The following LMO7 variants were observed in gnomAD, a reference collection of about 807,000 sequenced individuals.
The protein encoded by LMO7 is LIM domain only protein 7.
Under a neutral mutation model 206.5 loss-of-function variants are expected in LMO7, and 120 were observed. The observed-to-expected ratio is 0.58, with a 90% CI of 0.50 to 0.68. LMO7 has a LOEUF of 0.68. Among genes scored for constraint, LMO7 ranks in the 30% least tolerant of loss-of-function variants. LMO7 has a pLI of 0.00. For synonymous variants in LMO7, 706 were observed against 681.5 expected, an observed-to-expected ratio of 1.04 and a Z score of -0.56; for missense variants, 1,959 against 1,957.9, an observed-to-expected ratio of 1.00 and a Z score of -0.01.
At chr13:75,676,263 C>T (rs1195550594) in intron 1 of LMO7, among the ~76,000 whole-genome samples, 1 of 152,140 alleles carries the variant, frequency 6.6e-6, no homozygotes, top group African/African-American at 2.4e-5. Context: ...GTATGTGCCT[C>T]TCTCCGGATT....
At chr13:75,658,372 A>G (rs1243944234) in intron 1 of LMO7, among the ~76,000 whole-genome samples, 2 of 152,088 alleles carry the variant, frequency 1.3e-5, no homozygotes, top group Non-Finnish European at 2.9e-5. Flanking sequence ...AAATTTGTTG[A>G]AATTTTAGAT....
chr13:75,653,299 G>A (rs1438419199), intron 1 of LMO7, among the ~76,000 whole-genome samples: 1 of 152,236 alleles, frequency 6.6e-6, no homozygotes, highest in Non-Finnish European at 1.5e-5. Context: ...GCTCAAGGCA[G>A]AGGAAGCCTG....
chr13:75,805,554 T>C lies in LMO7; in HGVS notation c.990T>C (p.Tyr330=), dbSNP rs2055335946. Residue 330 remains tyrosine, a synonymous_variant, in exon 9 of 31, where the codon TAT becomes TAC. Transcript: ENST00000377534. ...AAGGAACTTCAAAGTCCTCTTGTTA[T>C]TTGGAAGAGGAAAAAGCAAAGACAA... ...TVQGTSKSSC[Y]LEEEKAKTRS... 3 of 1,613,860 alleles carry C rather than the reference T, an allele frequency of 1.9e-6. No individual in the cohort carries two copies. Among genetic ancestry groups the C allele is most frequent in the Non-Finnish European group, 2.5e-6 (3 of 1,179,838 alleles).
intron 1 of LMO7, among the ~76,000 whole-genome samples, chr13:75,684,547 CTTT>C (rs374482530): frequency 1.6e-5 from 2 of 128,950 alleles, no homozygotes; most frequent in Admixed American, 7.9e-5. Context: ...GCCCGGCCGG[CTTT>C]TTTTTTTTTT....
chr13:75,728,025 T>C (rs2044663423), intron 3 of LMO7, among the ~76,000 whole-genome samples: 1 of 152,064 alleles, frequency 6.6e-6, no homozygotes, highest in South Asian at 2.1e-4. Flanking sequence ...CAGTCTATCA[T>C]TGTTGGACAT....
chr13:75,846,758 G>T (rs998762007), intron 26 of LMO7, among the ~76,000 whole-genome samples: 1 of 152,060 alleles, frequency 6.6e-6, no homozygotes, highest in African/African-American at 2.4e-5. Flanking sequence ...TTAAATATTT[G>T]ATTTAAAAAC....
At chr13:75,808,528 T>C (rs2055860829) in intron 10 of LMO7, among the ~76,000 whole-genome samples, 1 of 152,220 alleles carries the variant, frequency 6.6e-6, no homozygotes, top group Non-Finnish European at 1.5e-5. Context: ...TGTAACAGTC[T>C]GGTTATAGTT....
Position 75,647,953 on chromosome 13 carries a change from T to TTCTTTC in LMO7, c.69+11228_69+11229insCTTTCT, listed in dbSNP as rs1357940991. ...TTTTCTCTTGTTTTCTTTTCTTTCT[T>TTCTTTC]TTTTTTTTTTTTTTTTGAGACAGGG... On this transcript the variant is annotated intron_variant, in intron 1 of 30. Transcript: ENST00000377534. Among the ~76,000 whole-genome samples, 296 of 134,224 alleles carry TTCTTTC rather than the reference T, an allele frequency of 2.2e-3. 3 individuals are homozygous for TTCTTTC. The highest frequency in any genetic ancestry group is 7.5e-3 in the African/African-American group (276 of 36,892). 88.1% of individuals were successfully genotyped at this position (134,224 alleles called of 152,430 possible). A position where few individuals can be genotyped will look rare whatever the true frequency, so the allele number is the denominator to read the frequency against.
chr13:75,849,509 T>G (rs531286303), intron 27 of LMO7, among the ~76,000 whole-genome samples: 1 of 151,822 alleles, frequency 6.6e-6, no homozygotes, highest in South Asian at 2.1e-4. Context: ...TCTTTTTTTT[T>G]TACTATGAGG....
intron 6 of LMO7, 85 bp downstream of exon 6, chr13:75,796,834 T>TCTC: frequency 1.2e-6 from 1 of 850,126 alleles, no homozygotes; most frequent in Non-Finnish European, 2.0e-6. Context: ...TTCTTCTCCT[T>TCTC]CTCCTCTATA....
At chr13:75,715,605 C>T (rs1318077627) in intron 2 of LMO7, among the ~76,000 whole-genome samples, 1 of 152,166 alleles carries the variant, frequency 6.6e-6, no homozygotes, top group African/African-American at 2.4e-5. Context: ...ACACCAAAGT[C>T]CTGCATAATA....
At chr13:75,733,359 G>A (rs1356073922) in intron 3 of LMO7, among the ~76,000 whole-genome samples, 2 of 152,220 alleles carry the variant, frequency 1.3e-5, no homozygotes, top group African/African-American at 4.8e-5. Context: ...CCTCACTGCT[G>A]CCTTGCAGTT....
At chr13:75,686,632 G>A (rs1036779240) in intron 1 of LMO7, among the ~76,000 whole-genome samples, 1 of 151,756 alleles carries the variant, frequency 6.6e-6, no homozygotes, top group African/African-American at 2.4e-5. Context: ...GTGTACAGAA[G>A]GGTCTAGGGA....
At chr13:75,810,914 T>G (rs1194401401) in intron 11 of LMO7, among the ~76,000 whole-genome samples, 1 of 152,218 alleles carries the variant, frequency 6.6e-6, no homozygotes, top group Non-Finnish European at 1.5e-5. Context: ...GCAGCAAATG[T>G]TTTCTATCCC....
At chr13:75,742,263 T>G (rs2046476773) in intron 3 of LMO7, among the ~76,000 whole-genome samples, 1 of 152,212 alleles carries the variant, frequency 6.6e-6, no homozygotes, top group Non-Finnish European at 1.5e-5. Context: ...AAACATTTCA[T>G]GTTCATGAAT....
At chr13:75,668,643 C>T (rs1293684542) in intron 1 of LMO7, among the ~76,000 whole-genome samples, 1 of 152,182 alleles carries the variant, frequency 6.6e-6, no homozygotes, top group East Asian at 1.9e-4. Flanking sequence ...TTCAGCTACT[C>T]TCCAGTACCC....
At position 75,688,767 on chromosome 13, in the gene LMO7, G is replaced by A. The variant is rs185400123; in HGVS notation, c.70-24415G>A. ...TCCGTCTCTCCACACACTGTTCTGT[G>A]CTTTTCTCTCAAAGGCCTGACTTAC... On this transcript the variant is annotated intron_variant, in intron 1 of 30. Transcript: ENST00000377534. The A allele has an allele frequency of 1.1e-3, 172 of 152,046 alleles. 1 individual carries two copies. The highest frequency in any genetic ancestry group is 3.9e-3 in the African/African-American group (163 of 41,478). 9.4% of individuals were successfully genotyped at this position (152,046 alleles called of 1,614,324 possible).
Position 75,838,123 on chromosome 13 carries a change from AT to A in LMO7, c.3395-8del, listed in dbSNP as rs760586415. On this transcript the variant is annotated splice_polypyrimidine_tract_variant and intron_variant, in intron 19 of 30. Transcript: ENST00000377534. ...AATAAAAATGAATGACATAGTGTTT[AT>A]TTTTTTTTCAACTAGCATCTGAATC... is the stretch of plus-strand genomic sequence containing the variant. 3.9e-4 allele frequency: 568 copies of A among 1,447,552 alleles called. No individual in the cohort carries two copies. Among genetic ancestry groups the A allele is most frequent in the Middle Eastern group, 1.0e-3 (6 of 5,716 alleles). 89.7% of individuals were successfully genotyped at this position (1,447,552 alleles called of 1,614,324 possible).
intron 3 of LMO7, among the ~76,000 whole-genome samples, chr13:75,755,198 C>T (rs979696047): frequency 1.3e-5 from 2 of 152,092 alleles, no homozygotes; most frequent in Non-Finnish European, 2.9e-5. Flanking sequence ...TTGCCAGCGG[C>T]TGGTCTTCAC....
Sources: allele counts gnomAD v4.1 joint callset (sites outside exome capture counted in the v4.1 genomes callset), GRCh38; gene constraint gnomAD v4.1.1; transcripts MANE v1.5; gene names NCBI Gene and HGNC (gene_info 2026-07-23, HGNC 2026-07-21).